Variants in ABCA5 observed in about 807,000 individuals in gnomAD.
ABCA5 encodes cholesterol transporter ABCA5.
ABCA5 carries 163 observed loss-of-function variants against 206.0 expected under a neutral mutation model. That is an observed-to-expected ratio of 0.79 (90% confidence interval 0.70 to 0.90). The LOEUF is 0.90. Among genes scored for constraint, ABCA5 ranks in the 40% least tolerant of loss-of-function variants. ABCA5 has a pLI of 0.00. For missense variants in ABCA5, 1,859 were observed against 1,912.9 expected (o/e 0.97, Z 0.53); for synonymous variants, 609 against 613.8 (o/e 0.99, Z 0.11).
At chr17:69,274,268 G>C in intron 19 of ABCA5, 140 bp from the exon 20 acceptor site, 1 of 724,122 alleles carries the variant, frequency 1.4e-6, no homozygotes. Flanking sequence ...ACCCAGGCTG[G>C]AGTGTAATGG....
chr17:69,271,333 G>A (rs760100188), intron 20 of ABCA5, 44 bp from the exon 21 acceptor site: 9 of 1,557,056 alleles, frequency 5.8e-6, no homozygotes, highest in Middle Eastern at 1.7e-4. Flanking sequence ...GAGTCTAAAC[G>A]AGGCTTTTAG....
intron 9 of ABCA5, among the ~76,000 whole-genome samples, chr17:69,298,919 A>G (rs934469691): frequency 6.6e-6 from 1 of 152,200 alleles, no homozygotes; most frequent in African/African-American, 2.4e-5. Flanking sequence ...CACTATATAT[A>G]TATGTTGACA....
In ABCA5 at chr17:69,287,706, G is replaced by A. The variant is rs1444903044; in HGVS notation, c.1948C>T (p.Arg650Ter). ...TTTAAAAGATTCCATACAATATGTC[G>A]AGAACAGGGGTCCATTCCAGCTGTT... ...EPTAGMDPCS[R>*]HIVWNLLKYR... Residue 650 changes from arginine (R) to a stop codon, truncating the protein, a stop_gained, in exon 15 of 39, where the codon CGA becomes TGA. Transcript: ENST00000392676. LOFTEE classifies it high-confidence loss of function. 19 of 1,613,680 alleles carry A rather than the reference G, an allele frequency of 1.2e-5. No homozygotes were observed. Among genetic ancestry groups the A allele is most frequent in the African/African-American group, 2.7e-5 (2 of 74,998 alleles).
rs1179447880 is a variant in ABCA5, at chr17:69,246,067, A to G, written c.*1470T>C. The G allele has an allele frequency of 6.6e-6, 1 of 152,020 alleles. No homozygotes were observed. Among genetic ancestry groups the G allele is most frequent in the Non-Finnish European group, 1.5e-5 (1 of 67,858 alleles). The allele number at this position is 152,020 out of a possible 1,614,324, so 9.4% of individuals were successfully genotyped here. A position where few individuals can be genotyped will look rare whatever the true frequency, so the allele number is the denominator to read the frequency against. On this transcript the variant is annotated 3_prime_UTR_variant, in exon 39 of 39. Coordinates refer to ENST00000392676, the MANE Select transcript of ABCA5 (RefSeq NM_172232.4). The stretch of plus-strand genomic sequence containing the variant: ...AGGAAAGTGTATAGCAACTGCCCCC[A>G]GCAATGGGGGAAAATATCAGCCACG...
In ABCA5 at chr17:69,286,274, A is replaced by C; in HGVS notation, c.2079T>G (p.Cys693Trp). 6.3e-7 allele frequency: 1 copy of C among 1,589,830 alleles called. No individual in the cohort carries two copies. Among genetic ancestry groups the C allele is most frequent in the African/African-American group, 1.4e-5 (1 of 73,136 alleles). The change falls in exon 16 of 39, where the codon TGT becomes TGG. Residue 693 changes from cysteine to tryptophan, a missense_variant. Cys to Trp is a radical substitution (Grantham distance 215). Coordinates refer to ENST00000392676, the MANE Select transcript of ABCA5 (RefSeq NM_172232.4). ...KAVISQGMLK[C>W]VGSSMFLKSK... ...TTTTGAGGAACATTGAAGAACCAAC[A>C]CATTTCAGCATTCCTTGTGATATCA...
At position 69,244,517 on chromosome 17, in the gene ABCA5, T is replaced by C. The variant is rs2074929415; in HGVS notation, c.*3020A>G. ...TACATATATTATAAATAAAAAATAA[T>C]TAAACTTTTACCTGATAAGAATAGC... On this transcript the variant is annotated 3_prime_UTR_variant, in exon 39 of 39. Coordinates refer to ENST00000392676, the MANE Select transcript of ABCA5 (RefSeq NM_172232.4). The C allele has an allele frequency of 1.3e-5, 2 of 151,760 alleles. No homozygotes were observed. Among genetic ancestry groups the C allele is most frequent in the Non-Finnish European group, 2.9e-5 (2 of 67,834 alleles). 9.4% of individuals were successfully genotyped at this position (151,760 alleles called of 1,614,324 possible). A position where few individuals can be genotyped will look rare whatever the true frequency, so the allele number is the denominator to read the frequency against.
chr17:69,313,253 A>T lies in ABCA5; in HGVS notation c.146T>A (p.Ile49Asn). The change falls in exon 3 of 39, where the codon ATT (isoleucine) becomes AAT (asparagine). Residue 49 changes from isoleucine (I) to asparagine (N), a missense_variant. Transcript: ENST00000392676. The stretch of plus-strand genomic sequence containing the variant: ...TTTCTTATTTGGATGCATCATGCTA[A>T]TTAATATTAACCAAAATAAAAAAAA... ...PLFFLFWLIL[I>N]SMMHPNKKYE... The T allele has an allele frequency of 6.7e-7, 1 of 1,489,486 alleles. No homozygotes were observed. Among genetic ancestry groups the T allele is most frequent in the Non-Finnish European group, 9.3e-7 (1 of 1,074,798 alleles). 92.3% of individuals were successfully genotyped at this position (1,489,486 alleles called of 1,614,324 possible).
Position 69,304,788 on chromosome 17 carries a change from T to A in ABCA5, c.811A>T (p.Thr271Ser). Residue 271 changes from threonine to serine, a missense_variant, in exon 7 of 39, where the codon ACA (threonine) becomes TCA (serine). Thr to Ser is a moderately conservative substitution (Grantham distance 58, BLOSUM62 1). Transcript: ENST00000392676. ...AGGGACATAAGAAAAATTAAACTTG[T>A]ATATAGAAGAACCCAGGAAAGCCTA... ...AFWLSWVLLY[T>S]SLIFLMSLLM... is the part of the protein sequence containing the mutation. 6.2e-7 allele frequency: 1 copy of A among 1,602,182 alleles called. No individual in the cohort carries two copies. Among genetic ancestry groups the A allele is most frequent in the Admixed American group, 1.7e-5 (1 of 57,998 alleles).
intron 34 of ABCA5, 23 bp from the exon 35 acceptor site, chr17:69,251,889 A>G: frequency 6.2e-7 from 1 of 1,607,950 alleles, no homozygotes; most frequent in Non-Finnish European, 8.5e-7. Context: ...AATAAAACAA[A>G]AAGAGAGGAA....
chr17:69,271,582 A>G (rs569188664), intron 20 of ABCA5, among the ~76,000 whole-genome samples: 1 of 152,266 alleles, frequency 6.6e-6, no homozygotes, highest in Admixed American at 6.5e-5. Flanking sequence ...TGAGAATTAA[A>G]TGACTGAATA....
intron 7 of ABCA5, among the ~76,000 whole-genome samples, chr17:69,303,150 T>C (rs920716978): frequency 1.3e-5 from 2 of 152,166 alleles, no homozygotes; most frequent in Non-Finnish European, 2.9e-5. Context: ...CAGGGTCTTG[T>C]TCTGTCACCC....
Position 69,289,391 on chromosome 17 carries a change from T to A in ABCA5, c.1783-95A>T, listed in dbSNP as rs112898535. ...TTTAAATATTTTAAGTTTTAATGTG[T>A]TAGATATTTAAGTAACATAGGTTTT... On this transcript the variant is annotated intron_variant, in intron 13 of 38. Transcript: ENST00000392676. 3.5e-3 allele frequency: 3,482 copies of A among 987,604 alleles called. 77 individuals carry two copies. In the African/African-American group the frequency reaches 0.054, roughly 15 times the overall value. 61.2% of individuals were successfully genotyped at this position (987,604 alleles called of 1,614,324 possible).
chr17:69,305,881 C>A (rs1025852255), intron 6 of ABCA5, among the ~76,000 whole-genome samples: 7 of 151,778 alleles, frequency 4.6e-5, no homozygotes, highest in African/African-American at 7.3e-5. Flanking sequence ...AAAAAATAAT[C>A]CAAAACCAAT....
intron 18 of ABCA5, among the ~76,000 whole-genome samples, chr17:69,279,383 G>C (rs1282566801): frequency 1.3e-5 from 2 of 152,086 alleles, no homozygotes; most frequent in African/African-American, 4.8e-5. Context: ...AAATAAAAGA[G>C]GATACAAACA....
chr17:69,266,861 T>TTTTATTTA (rs576917268), intron 23 of ABCA5, among the ~76,000 whole-genome samples: 34 of 150,364 alleles, frequency 2.3e-4, no homozygotes, highest in Admixed American at 7.3e-4. Flanking sequence ...TATTTATTTA[T>TTTTATTTA]TTTATTTATT....
chr17:69,261,430 T>C (rs2075145705), intron 25 of ABCA5, among the ~76,000 whole-genome samples, 171 bp from the exon 26 acceptor site: 1 of 152,082 alleles, frequency 6.6e-6, no homozygotes. Flanking sequence ...GTATCCTTGA[T>C]ACACTAGTTG....
intron 9 of ABCA5, among the ~76,000 whole-genome samples, chr17:69,299,805 A>C (rs558865058): frequency 6.6e-6 from 1 of 152,194 alleles, no homozygotes; most frequent in African/African-American, 2.4e-5. Flanking sequence ...TAAAGGACTT[A>C]TTCATGTAAC....
At chr17:69,311,023 G>A (rs1019684534) in intron 3 of ABCA5, among the ~76,000 whole-genome samples, 2 of 152,054 alleles carry the variant, frequency 1.3e-5, no homozygotes, top group African/African-American at 2.4e-5. Flanking sequence ...GCGAAACCCT[G>A]TCTCTACAAA....
chr17:69,284,471 GA>G (rs1316051612), intron 17 of ABCA5, among the ~76,000 whole-genome samples: 1 of 151,834 alleles, frequency 6.6e-6, no homozygotes, highest in Admixed American at 6.6e-5. Context: ...TACAGTATTT[GA>G]AATTAAAACT....
Sources: gnomAD v4.1 joint callset for allele counts (sites outside exome capture counted in the v4.1 genomes callset) on GRCh38, gnomAD v4.1.1 for gene constraint, MANE v1.5 for transcripts, NCBI Gene and HGNC (gene_info 2026-07-23, HGNC 2026-07-21) for gene names.